The following ZEB1 variants were observed in gnomAD, a reference collection of about 807,000 sequenced individuals.
ZEB1 encodes zinc finger E-box binding homeobox 1, also known as zinc finger E-box-binding homeobox 1.
ZEB1 carries 21 observed loss-of-function variants against 84.9 expected under a neutral mutation model. The ratio of observed to expected loss-of-function variants is 0.25; its 90% CI spans 0.18 to 0.36. ZEB1 has a LOEUF of 0.36. Among genes scored for constraint, ZEB1 ranks in the 10% least tolerant of loss-of-function variants. The pLI, the probability that ZEB1 is intolerant of heterozygous loss-of-function variation, is 1.00. For missense variants in ZEB1, 1,104 were observed against 1,330.2 expected (o/e 0.83, Z 2.65); for synonymous variants, 420 against 471.1 (o/e 0.89, Z 1.41).
Position 31,520,927 on chromosome 10 carries a change from G to C in ZEB1, c.1595G>C (p.Cys532Ser). ...GAAGGGGGGGTGAATGATAGCACTT[G>C]TCTTCTGTGTGATGATTGTCCAGGA... ...SFEGGVNDST[C>S]LLCDDCPGDI... Residue 532 changes from cysteine (C) to serine (S), a missense_variant, in exon 7 of 9, where the codon TGT (cysteine) becomes TCT (serine). This residue lies in a region of ZEB1 where 531 missense variants were observed against 575.2 expected (regional missense o/e 0.92). Transcript: ENST00000424869. This position sits in a 1 kb window ranked among gnomAD's most constrained non-coding sequence, Gnocchi z 5.1. 2.5e-6 allele frequency: 4 copies of C among 1,614,104 alleles called. No individual in the cohort carries two copies. Among genetic ancestry groups the C allele is most frequent in the Non-Finnish European group, 3.4e-6 (4 of 1,180,012 alleles).
At chr10:31,421,579 T>C (rs1234941936) in intron 1 of ZEB1, among the ~76,000 whole-genome samples, 1 of 152,056 alleles carries the variant, frequency 6.6e-6, no homozygotes, top group African/African-American at 2.4e-5. Flanking sequence ...CATCTCTCTT[T>C]TTATCTGATT....
intron 1 of ZEB1, among the ~76,000 whole-genome samples, chr10:31,322,751 C>CTT (rs34285204): frequency 5.6e-4 from 82 of 145,576 alleles, no homozygotes; most frequent in African/African-American, 1.7e-3. Context: ...CTTGTTCTAC[C>CTT]TTTTTTTTTT....
chr10:31,325,050 T>C (rs558339294), intron 1 of ZEB1, among the ~76,000 whole-genome samples: 4 of 152,156 alleles, frequency 2.6e-5, no homozygotes, highest in East Asian at 3.9e-4. Context: ...AATTTCAATA[T>C]GTTATGAGCA....
At chr10:31,414,555 A>T (rs543682426) in intron 1 of ZEB1, among the ~76,000 whole-genome samples, 131 of 152,346 alleles carry the variant, frequency 8.6e-4, no homozygotes, top group Non-Finnish European at 1.4e-3. Flanking sequence ...AACTGATTAT[A>T]GTTCTAATTT....
intron 1 of ZEB1, among the ~76,000 whole-genome samples, chr10:31,460,571 A>T (rs1243436814): frequency 1.3e-5 from 2 of 151,994 alleles, no homozygotes; most frequent in African/African-American, 2.4e-5. Context: ...TAGGCTCGTT[A>T]TCATTGGAGG....
At chr10:31,460,995 T>C in intron 1 of ZEB1, 42 bp from the exon 2 acceptor site, 1 of 1,492,824 alleles carries the variant, frequency 6.7e-7, no homozygotes. Context: ...CTGATTGTTT[T>C]ACTAGTTGGT....
chr10:31,453,882 A>C (rs2060887473), intron 1 of ZEB1, among the ~76,000 whole-genome samples: 1 of 152,220 alleles, frequency 6.6e-6, no homozygotes, highest in African/African-American at 2.4e-5. Flanking sequence ...TAATAGAAAA[A>C]GAGGGAATCC....
chr10:31,458,680 C>G (rs1051373905), intron 1 of ZEB1, among the ~76,000 whole-genome samples: 11 of 152,086 alleles, frequency 7.2e-5, no homozygotes, highest in Admixed American at 7.2e-4. Flanking sequence ...TAAGTCTTCC[C>G]TTTTACTCTA....
chr10:31,463,781 A>G (rs2062067708), intron 2 of ZEB1, among the ~76,000 whole-genome samples: 1 of 152,352 alleles, frequency 6.6e-6, no homozygotes, highest in Non-Finnish European at 1.5e-5. Context: ...AACTGCTACA[A>G]ATATCTATTG....
chr10:31,450,897 T>TGCGC (rs1161546728), intron 1 of ZEB1, among the ~76,000 whole-genome samples: 2 of 151,928 alleles, frequency 1.3e-5, no homozygotes, highest in Non-Finnish European at 2.9e-5. Flanking sequence ...TGTGCGTGCG[T>TGCGC]GCGCATGTGT....
chr10:31,355,347 C>T (rs539998440), intron 1 of ZEB1, among the ~76,000 whole-genome samples: 31 of 152,222 alleles, frequency 2.0e-4, no homozygotes, highest in African/African-American at 7.0e-4. Flanking sequence ...TTTAATGAGA[C>T]TCATTTATTC....
chr10:31,421,048 A>G (rs984326527), intron 1 of ZEB1, among the ~76,000 whole-genome samples: 6 of 152,174 alleles, frequency 3.9e-5, no homozygotes, highest in African/African-American at 1.2e-4. Context: ...TGAAAAACAT[A>G]AACTCATCAG....
At chr10:31,323,789 A>G (rs1380126227) in intron 1 of ZEB1, among the ~76,000 whole-genome samples, 2 of 151,982 alleles carry the variant, frequency 1.3e-5, no homozygotes, top group Non-Finnish European at 2.9e-5. Flanking sequence ...TAAGCCTCTC[A>G]TTAGGTAGAA....
chr10:31,433,897 T>A (rs1009362688), intron 1 of ZEB1, among the ~76,000 whole-genome samples: 1 of 152,154 alleles, frequency 6.6e-6, no homozygotes, highest in African/African-American at 2.4e-5. Context: ...AGTACTGCCT[T>A]AGTATTATTA....
At chr10:31,406,954 T>G (rs887045129) in intron 1 of ZEB1, among the ~76,000 whole-genome samples, 5 of 152,186 alleles carry the variant, frequency 3.3e-5, no homozygotes, top group African/African-American at 9.6e-5. Flanking sequence ...TAGGGAATCC[T>G]TTCCCCATTG....
Position 31,461,057 on chromosome 10 carries a change from G to A in ZEB1, c.79G>A (p.Val27Ile). ...RNNVTNYNTV[V>I]ETNSDSDDED... The stretch of plus-strand genomic sequence containing the variant: ...TACAGTTACAAATTATAATACTGTG[G>A]TAGAAACAAATTCAGATTCAGATGA... The change falls in exon 2 of 9, where the codon GTA becomes ATA. Residue 27 changes from valine to isoleucine, a missense_variant. Around this residue, in one of 7 missense-constraint regions of ZEB1, gnomAD observed 162 missense variants for 184.5 expected, o/e 0.88. Coordinates refer to ENST00000424869, the MANE Select transcript of ZEB1 (RefSeq NM_001174096.2). 2 of 1,612,736 alleles carry A rather than the reference G, an allele frequency of 1.2e-6. No individual in the cohort carries two copies. The highest frequency in any genetic ancestry group is 1.7e-6 in the Non-Finnish European group (2 of 1,179,170).
At chr10:31,349,116 C>G (rs1356156448) in intron 1 of ZEB1, among the ~76,000 whole-genome samples, 3 of 152,152 alleles carry the variant, frequency 2.0e-5, no homozygotes, top group Non-Finnish European at 1.5e-5. Context: ...ATTCTACTCT[C>G]TGCTTCCATG....
At chr10:31,524,409 A>T (rs562630608) in intron 8 of ZEB1, among the ~76,000 whole-genome samples, 2 of 151,950 alleles carry the variant, frequency 1.3e-5, no homozygotes, top group Non-Finnish European at 2.9e-5. Context: ...GGGTTTTGCC[A>T]TGTTGCCCAG....
At chr10:31,510,334 C>G (rs2069753101) in intron 4 of ZEB1, among the ~76,000 whole-genome samples, 1 of 152,110 alleles carries the variant, frequency 6.6e-6, no homozygotes, top group South Asian at 2.1e-4. Context: ...AACCTACATT[C>G]TAATTTTACT....
Sources: allele counts gnomAD v4.1 joint callset (sites outside exome capture counted in the v4.1 genomes callset), GRCh38; gene constraint gnomAD v4.1.1; regional missense constraint gnomAD v4.1.1; non-coding constraint Gnocchi (gnomAD v3.1); transcripts MANE v1.5; gene names NCBI Gene and HGNC (gene_info 2026-07-23, HGNC 2026-07-21).